The following TSHZ2 variants were observed in gnomAD, a reference collection of about 807,000 sequenced individuals.
The protein encoded by TSHZ2 is teashirt zinc finger homeobox 2.
TSHZ2 carries 21 observed loss-of-function variants against 74.4 expected under a neutral mutation model. The observed-to-expected ratio is 0.28, with a 90% CI of 0.20 to 0.41. The LOEUF is 0.41. TSHZ2 is among the 10% of genes least tolerant of loss of function. The probability of loss-of-function intolerance (pLI) is 1.00; values close to 1 mark genes in which losing one functional copy is unlikely to be tolerated. For missense variants in TSHZ2, 1,244 were observed against 1,293.5 expected (o/e 0.96, Z 0.59); for synonymous variants, 540 against 515.3 (o/e 1.05, Z -0.65).
chr20:53,435,303 G>C (rs1208440114), intron 2 of TSHZ2, among the ~76,000 whole-genome samples: 1 of 152,140 alleles, frequency 6.6e-6, no homozygotes, highest in Non-Finnish European at 1.5e-5. Flanking sequence ...AAACTTTTTG[G>C]CAGAAGAAGC....
chr20:53,352,414 G>A (rs984677296), intron 2 of TSHZ2, among the ~76,000 whole-genome samples: 1 of 152,006 alleles, frequency 6.6e-6, no homozygotes, highest in African/African-American at 2.4e-5. Flanking sequence ...AGGCTAAATT[G>A]TTAATAGCTA....
At chr20:53,469,547 AAGAAGGAG>A (rs1251424858) in intron 2 of TSHZ2, among the ~76,000 whole-genome samples, 2 of 137,120 alleles carry the variant, frequency 1.5e-5, no homozygotes, top group African/African-American at 2.8e-5. Context: ...CAAGAAAAGA[AAGAAGGAG>A]GGAAGGAAGG....
chr20:52,977,205 G>C (rs996383076), intron 1 of TSHZ2, among the ~76,000 whole-genome samples: 2 of 152,030 alleles, frequency 1.3e-5, no homozygotes, highest in Admixed American at 6.6e-5. Flanking sequence ...ATGGAGGGAG[G>C]GGGCAGGCAG....
intron 1 of TSHZ2, among the ~76,000 whole-genome samples, chr20:53,186,670 C>A (rs1319491612): frequency 1.3e-5 from 2 of 152,274 alleles, no homozygotes; most frequent in South Asian, 2.1e-4. Context: ...AGGCATTCAT[C>A]ACACCACCTC....
intron 1 of TSHZ2, among the ~76,000 whole-genome samples, chr20:53,088,984 C>G (rs139862112): frequency 2.0e-5 from 3 of 152,246 alleles, no homozygotes; most frequent in South Asian, 2.1e-4. Flanking sequence ...CGTGCTGAGA[C>G]TGCACATCAT....
At chr20:53,382,139 C>T (rs1414362796) in intron 2 of TSHZ2, among the ~76,000 whole-genome samples, 1 of 152,190 alleles carries the variant, frequency 6.6e-6, no homozygotes, top group Non-Finnish European at 1.5e-5. Context: ...CTAGGTCTAG[C>T]CCCACCTAGG....
At chr20:53,453,444 T>C (rs1345427245) in intron 2 of TSHZ2, among the ~76,000 whole-genome samples, 1 of 152,238 alleles carries the variant, frequency 6.6e-6, no homozygotes, top group African/African-American at 2.4e-5. Flanking sequence ...ATGTTTACCT[T>C]TCTCTTTCCT....
At chr20:53,242,902 G>C (rs1014011095) in intron 1 of TSHZ2, among the ~76,000 whole-genome samples, 1 of 152,174 alleles carries the variant, frequency 6.6e-6, no homozygotes, top group African/African-American at 2.4e-5. Context: ...ATGGGATACA[G>C]TGGTAAACAA....
At chr20:53,009,458 C>T (rs1032180030) in intron 1 of TSHZ2, among the ~76,000 whole-genome samples, 6 of 152,062 alleles carry the variant, frequency 3.9e-5, no homozygotes, top group Non-Finnish European at 5.9e-5. Flanking sequence ...CGTGATGAAG[C>T]GGGACAGCTC....
chr20:53,119,512 C>G (rs562100922), intron 1 of TSHZ2, among the ~76,000 whole-genome samples: 1 of 152,282 alleles, frequency 6.6e-6, no homozygotes, highest in East Asian at 1.9e-4. Context: ...TGCTGCCCAG[C>G]ATGGTAACGA....
At chr20:53,468,020 AT>A (rs1486260796) in intron 2 of TSHZ2, among the ~76,000 whole-genome samples, 7 of 152,210 alleles carry the variant, frequency 4.6e-5, no homozygotes, top group African/African-American at 1.7e-4. Flanking sequence ...AGAAAAAAAA[AT>A]AACACCACTC....
At chr20:53,054,322 A>G (rs973853394) in intron 1 of TSHZ2, among the ~76,000 whole-genome samples, 15 of 152,186 alleles carry the variant, frequency 9.9e-5, no homozygotes, top group Admixed American at 3.9e-4. Context: ...TCAGTTTTCA[A>G]TTGATGCTTG....
intron 2 of TSHZ2, among the ~76,000 whole-genome samples, chr20:53,470,685 G>A (rs992156700): frequency 2.6e-5 from 4 of 151,970 alleles, no homozygotes; most frequent in African/African-American, 7.3e-5. Context: ...GTGGTGGTGC[G>A]CACCTGTAAC....
intron 1 of TSHZ2, among the ~76,000 whole-genome samples, chr20:53,242,181 C>T (rs956220052): frequency 9.9e-5 from 15 of 152,162 alleles, no homozygotes; most frequent in Middle Eastern, 3.4e-3. Flanking sequence ...GAGTAAGGAC[C>T]GTCCTGTGCA....
chr20:53,280,641 TTTTGTTTG>T (rs3042096), intron 2 of TSHZ2, among the ~76,000 whole-genome samples: 13 of 150,904 alleles, frequency 8.6e-5, no homozygotes, highest in Admixed American at 5.9e-4. Flanking sequence ...CAAGTCGTTT[TTTTGTTTG>T]TTTGTTTGTT....
chr20:52,989,553 C>T (rs1293439815), intron 1 of TSHZ2, among the ~76,000 whole-genome samples: 2 of 152,196 alleles, frequency 1.3e-5, no homozygotes, highest in Non-Finnish European at 2.9e-5. Context: ...CTCTGTGCCT[C>T]ACTCCTGTAA....
chr20:53,488,659 A>C lies in TSHZ2; in HGVS notation c.*1524A>C, dbSNP rs751121665. ...TAGGCACAACACTAGGAACTAGGTG[A>C]TTCTGAAACAAAAGGAATATTTTCT... On this transcript the variant is annotated 3_prime_UTR_variant, in exon 3 of 3. Coordinates refer to ENST00000371497, the MANE Select transcript of TSHZ2 (RefSeq NM_173485.6). 1 of 271,216 alleles carries C rather than the reference A, an allele frequency of 3.7e-6. No homozygotes were observed. Among genetic ancestry groups the C allele is most frequent in the Non-Finnish European group, 7.1e-6 (1 of 140,238 alleles). 16.8% of individuals were successfully genotyped at this position (271,216 alleles called of 1,614,324 possible).
intron 1 of TSHZ2, among the ~76,000 whole-genome samples, chr20:53,084,670 TCTCC>T (rs879367471): frequency 2.3e-4 from 13 of 57,236 alleles, no homozygotes; most frequent in Non-Finnish European, 3.8e-4. Context: ...TCTCTCCTTC[TCTCC>T]CTCCCTCCCT....
chr20:53,408,321 A>G (rs1285772007), intron 2 of TSHZ2, among the ~76,000 whole-genome samples: 3 of 152,226 alleles, frequency 2.0e-5, no homozygotes, highest in Non-Finnish European at 2.9e-5. Flanking sequence ...AAACCACATT[A>G]GTGGAGAAAA....
Sources: allele counts gnomAD v4.1 joint callset (sites outside exome capture counted in the v4.1 genomes callset), GRCh38; gene constraint gnomAD v4.1.1; transcripts MANE v1.5; gene names NCBI Gene and HGNC (gene_info 2026-07-23, HGNC 2026-07-21).